CHST11: variants seen among roughly 807,000 people sequenced by gnomAD.
CHST11 encodes the protein carbohydrate sulfotransferase 11, also known as C4S-1.
A neutral mutation model predicts 30.4 loss-of-function variants in CHST11; 9 were observed. That is an observed-to-expected ratio of 0.30 (90% CI 0.18 to 0.52). The LOEUF (loss-of-function observed/expected upper bound fraction) is 0.52. Ranked by LOEUF, CHST11 falls within the 20% of genes least tolerant of loss-of-function variation. The probability of loss-of-function intolerance (pLI) is 0.97; values close to 1 mark genes in which losing one functional copy is unlikely to be tolerated. For missense variants in CHST11, 348 were observed against 460.6 expected (o/e 0.76, Z 2.24); for synonymous variants, 152 against 187.8 (o/e 0.81, Z 1.56).
At chr12:104,548,205 G>T (rs920461683) in intron 1 of CHST11, among the ~76,000 whole-genome samples, 27 of 152,240 alleles carry the variant, frequency 1.8e-4, no homozygotes, top group African/African-American at 6.5e-4. Flanking sequence ...CACACAGTAG[G>T]TGGTGCTTAG....
At chr12:104,606,005 A>C (rs567527135) in intron 2 of CHST11, among the ~76,000 whole-genome samples, 10 of 152,000 alleles carry the variant, frequency 6.6e-5, no homozygotes, top group Non-Finnish European at 1.5e-4. Flanking sequence ...TGTGATTACT[A>C]TGTTGCAAGG....
chr12:104,634,680 G>A (rs2039306222), intron 2 of CHST11, among the ~76,000 whole-genome samples: 1 of 152,170 alleles, frequency 6.6e-6, no homozygotes, highest in Non-Finnish European at 1.5e-5. Context: ...CTTGCCCTGA[G>A]GCACCTCTTC....
At chr12:104,602,325 TCCC>T (rs1592788358) in intron 2 of CHST11, 1 of 350,290 alleles carries the variant, frequency 2.9e-6, no homozygotes. Flanking sequence ...CCCTTTGGTA[TCCC>T]CAAAGGAAGA....
At chr12:104,716,084 G>A (rs760991409) in intron 2 of CHST11, among the ~76,000 whole-genome samples, 7 of 152,144 alleles carry the variant, frequency 4.6e-5, no homozygotes, top group Non-Finnish European at 1.0e-4. Context: ...CCCTAGCTTG[G>A]GTGGATCTGG....
Position 104,659,440 on chromosome 12 carries a change from C to T in CHST11, c.204+57449C>T, listed in dbSNP as rs12581751. On this transcript the variant is annotated intron_variant, in intron 2 of 2. Coordinates refer to ENST00000303694, the MANE Select transcript of CHST11 (RefSeq NM_018413.6). ...CCATCACTGCCCCGATCCTCCATCC[C>T]CACAGTGCAGAGCTGTGCTGCTCAG... is the stretch of plus-strand genomic sequence containing the variant. Among the ~76,000 whole-genome samples the T allele has an allele frequency of 9.0e-3, 1,371 of 152,256 alleles. 68 individuals are homozygous for T. In the East Asian group the frequency reaches 0.14, roughly 15 times the overall value.
intron 2 of CHST11, among the ~76,000 whole-genome samples, chr12:104,623,052 ATT>A (rs1011213345): frequency 9.2e-5 from 14 of 152,204 alleles, no homozygotes; most frequent in African/African-American, 3.4e-4. Context: ...GACAGCAAAC[ATT>A]TTAGGTCTCT....
chr12:104,662,764 G>GT (rs913687371), intron 2 of CHST11, among the ~76,000 whole-genome samples: 2 of 152,124 alleles, frequency 1.3e-5, no homozygotes, highest in African/African-American at 4.8e-5. Flanking sequence ...GTCTGTTTTT[G>GT]TTTTTTAGGT....
chr12:104,472,820 G>GAA (rs1203120748), intron 1 of CHST11, among the ~76,000 whole-genome samples: 1 of 151,824 alleles, frequency 6.6e-6, no homozygotes, highest in Non-Finnish European at 1.5e-5. Flanking sequence ...GTGGTGGAAG[G>GAA]AAACCTTCCA....
rs1566056272 is a variant in CHST11, at chr12:104,728,252, C to T, written c.205-28697C>T. Among the ~76,000 whole-genome samples the T allele has an allele frequency of 2.6e-5, 4 of 152,214 alleles. No individual in the cohort carries two copies. The South Asian group carries it at 8.3e-4, about 32-fold the overall frequency. The stretch of plus-strand genomic sequence containing the variant: ...CAGGAACTGATTGGCAGGTCTCTTC[C>T]GGCTTGACCTTAAAACTTCCCCATA... On this transcript the variant is annotated intron_variant, in intron 2 of 2. Transcript: ENST00000303694.
chr12:104,533,443 A>G (rs1259480638), intron 1 of CHST11, among the ~76,000 whole-genome samples: 1 of 152,214 alleles, frequency 6.6e-6, no homozygotes, highest in Non-Finnish European at 1.5e-5. Context: ...GGAAGAACTT[A>G]TAAGTTTAAT....
At chr12:104,725,620 T>G (rs1463760926) in intron 2 of CHST11, among the ~76,000 whole-genome samples, 1 of 151,960 alleles carries the variant, frequency 6.6e-6, no homozygotes, top group African/African-American at 2.4e-5. Flanking sequence ...GGGTGTCACT[T>G]CTCCACTTAA....
chr12:104,617,372 C>T (rs1291131662), intron 2 of CHST11, among the ~76,000 whole-genome samples: 1 of 152,188 alleles, frequency 6.6e-6, no homozygotes, highest in Non-Finnish European at 1.5e-5. Flanking sequence ...CCGCCTCTCA[C>T]CTTCACTCCA....
At chr12:104,604,494 C>CT (rs1263505953) in intron 2 of CHST11, among the ~76,000 whole-genome samples, 1 of 152,176 alleles carries the variant, frequency 6.6e-6, no homozygotes, top group Non-Finnish European at 1.5e-5. Flanking sequence ...TTCAGAGAAA[C>CT]TGTCTTGGTG....
intron 1 of CHST11, among the ~76,000 whole-genome samples, chr12:104,545,160 A>C (rs1024991402): frequency 1.5e-5 from 2 of 131,528 alleles, no homozygotes; most frequent in Non-Finnish European, 3.3e-5. Flanking sequence ...TACAAATTGA[A>C]AAGCAAAAAA....
intron 1 of CHST11, among the ~76,000 whole-genome samples, chr12:104,598,853 C>T (rs578017142): frequency 1.6e-4 from 25 of 152,262 alleles, no homozygotes; most frequent in African/African-American, 4.6e-4. Context: ...GGCCTTGACT[C>T]AGTGGTCTGT....
At chr12:104,546,841 A>G (rs1288633254) in intron 1 of CHST11, among the ~76,000 whole-genome samples, 1 of 152,226 alleles carries the variant, frequency 6.6e-6, no homozygotes, top group East Asian at 1.9e-4. Flanking sequence ...GGCGGTTGGT[A>G]CATGCTCAGG....
chr12:104,625,146 G>C (rs1241291232), intron 2 of CHST11, among the ~76,000 whole-genome samples: 1 of 152,190 alleles, frequency 6.6e-6, no homozygotes, highest in South Asian at 2.1e-4. Context: ...TGACTAAGCA[G>C]CTATGCAAAA....
chr12:104,649,019 C>G (rs2039465227), intron 2 of CHST11, among the ~76,000 whole-genome samples: 1 of 152,166 alleles, frequency 6.6e-6, no homozygotes, highest in South Asian at 2.1e-4. Context: ...TGTCCTCTTG[C>G]TGGTTCCTCC....
chr12:104,645,515 T>G (rs1486654783), intron 2 of CHST11, among the ~76,000 whole-genome samples: 4 of 151,142 alleles, frequency 2.6e-5, no homozygotes, highest in African/African-American at 7.3e-5. Flanking sequence ...AACCTGCAGG[T>G]GGGGGTGGGC....
Sources: gnomAD v4.1 joint callset for allele counts (sites outside exome capture counted in the v4.1 genomes callset) on GRCh38, gnomAD v4.1.1 for gene constraint, MANE v1.5 for transcripts, NCBI Gene and HGNC (gene_info 2026-07-23, HGNC 2026-07-21) for gene names.